The following CASP8 variants were observed in gnomAD, a reference collection of about 807,000 sequenced individuals.
The protein encoded by CASP8 is caspase-8.
A neutral mutation model predicts 46.3 loss-of-function variants in CASP8; 24 were observed. The ratio of observed to expected loss-of-function variants is 0.52; its 90% CI spans 0.38 to 0.73. The LOEUF is 0.73. Among genes scored for constraint, CASP8 ranks in the 30% least tolerant of loss-of-function variants. The pLI, the probability that CASP8 is intolerant of heterozygous loss-of-function variation, is 0.00. For synonymous variants in CASP8, 188 were observed against 200.4 expected (o/e 0.94, Z 0.52); for missense variants, 460 against 559.0 (o/e 0.82, Z 1.79).
chr2:201,280,929 ATACAAT>A (rs961803312), intron 7 of CASP8, among the ~76,000 whole-genome samples: 81 of 152,246 alleles, frequency 5.3e-4, no homozygotes, highest in African/African-American at 1.9e-3. Context: ...TGAAAAAATA[ATACAAT>A]TACAAGTTCC....
chr2:201,283,730 G>C (rs1209498380), intron 7 of CASP8, among the ~76,000 whole-genome samples: 3 of 80,034 alleles, frequency 3.7e-5, no homozygotes, highest in Non-Finnish European at 3.2e-5. Flanking sequence ...GGCTGGCCGG[G>C]CAGAGGGGCT....
intron 1 of CASP8, among the ~76,000 whole-genome samples, chr2:201,264,610 A>G (rs1947663708): frequency 6.6e-6 from 1 of 152,206 alleles, no homozygotes; most frequent in Non-Finnish European, 1.5e-5. Context: ...GAACATGTCT[A>G]AGATAGCTAT....
In CASP8 at chr2:201,287,452, C is replaced by G. The variant is rs1949610468; in HGVS notation, c.*858C>G. ...ATTTGTTTGAAATCTTTTAAAAATT[C>G]AAATGATTTTTACAAGTTTTAAATA... On this transcript the variant is annotated 3_prime_UTR_variant, in exon 9 of 9. Transcript: ENST00000673742. 2.6e-5 allele frequency: 4 copies of G among 154,578 alleles called. No homozygotes were observed. In the Admixed American group the frequency reaches 2.6e-4, roughly 10 times the overall value. 9.6% of individuals were successfully genotyped at this position (154,578 alleles called of 1,614,324 possible).
chr2:201,284,564 G>T (rs1226978312), intron 7 of CASP8, among the ~76,000 whole-genome samples: 1 of 76,952 alleles, frequency 1.3e-5, no homozygotes, highest in Non-Finnish European at 3.0e-5. Flanking sequence ...GCAATCGCAG[G>T]CACTCGGCAG....
rs1227299223 is a variant in CASP8 at position 201,285,028 on chromosome 2, C to G, written c.1015C>G (p.Gln339Glu). Reference protein sequence around the residue: ...QEAPIYELTSQFTGLKCPSLA... With the variant: ...QEAPIYELTSEFTGLKCPSLA... The stretch of plus-strand genomic sequence containing the variant: ...GGCCCCCATCTATGAGCTGACATCT[C>G]AGTTCACTGGTTTGAAGTGCCCTTC... The change falls in exon 8 of 9, where the codon CAG (glutamine) becomes GAG (glutamate). Residue 339 changes from glutamine to glutamate, a missense_variant. Physicochemically the swap from Gln to Glu is conservative, Grantham distance 29. Transcript: ENST00000673742. The G allele has an allele frequency of 1.2e-6, 2 of 1,614,198 alleles. No individual in the cohort carries two copies. The highest frequency in any genetic ancestry group is 1.6e-4 in the Middle Eastern group (1 of 6,062).
intron 2 of CASP8, among the ~76,000 whole-genome samples, chr2:201,251,257 A>G (rs370081062): frequency 3.3e-5 from 5 of 152,286 alleles, no homozygotes; most frequent in African/African-American, 1.2e-4. Context: ...TAAATGTTCA[A>G]TTTGGGTAAA....
Position 201,272,995 on chromosome 2 carries a change from T to C in CASP8, c.595+53T>C. On this transcript the variant is annotated intron_variant, in intron 5 of 8. Coordinates refer to ENST00000673742, the MANE Select transcript of CASP8 (RefSeq NM_001372051.1). The surrounding 1 kb of genome is among the most constrained non-coding windows in gnomAD (Gnocchi z 4.4). The stretch of plus-strand genomic sequence containing the variant: ...TTTAGTTAATTTACTATCTGGTACC[T>C]GCATGTGTCCTCCCCACAGCCTTCT... 8.9e-6 allele frequency: 13 copies of C among 1,453,854 alleles called. No homozygotes were observed. Among genetic ancestry groups the C allele is most frequent in the Non-Finnish European group, 1.3e-5 (13 of 1,035,820 alleles). 90.1% of individuals were successfully genotyped at this position (1,453,854 alleles called of 1,614,324 possible).
At chr2:201,284,542 CGGCGCGCGCCTGCAATCGCA>C (rs1457570728) in intron 7 of CASP8, among the ~76,000 whole-genome samples, 2 of 67,036 alleles carry the variant, frequency 3.0e-5, no homozygotes, top group Admixed American at 2.6e-4. Flanking sequence ...TCAGGCGTGG[CGGCGCGCGCCTGCAATCGCA>C]GGCACTCGGC....
chr2:201,285,976 T>C (rs1236831577), intron 8 of CASP8, among the ~76,000 whole-genome samples: 1 of 152,188 alleles, frequency 6.6e-6, no homozygotes, highest in Admixed American at 6.5e-5. Context: ...GCTACCAAGG[T>C]AGAAGAAGAG....
intron 2 of CASP8, among the ~76,000 whole-genome samples, chr2:201,246,275 T>G (rs1318338121): frequency 1.3e-5 from 2 of 152,198 alleles, no homozygotes; most frequent in African/African-American, 4.8e-5. Context: ...AAACAGGGTG[T>G]TGTTCCTGCC....
chr2:201,244,931 T>C (rs1576208694), intron 2 of CASP8, among the ~76,000 whole-genome samples: 1 of 152,206 alleles, frequency 6.6e-6, no homozygotes, highest in East Asian at 1.9e-4. Context: ...CTTTGAGGAA[T>C]GCCACACTGG....
intron 7 of CASP8, among the ~76,000 whole-genome samples, chr2:201,281,287 C>T (rs1948988719): frequency 1.3e-5 from 2 of 151,964 alleles, no homozygotes; most frequent in South Asian, 4.2e-4. Context: ...GCACTGTAGC[C>T]TGGGTGACAG....
intron 7 of CASP8, among the ~76,000 whole-genome samples, chr2:201,277,266 G>A (rs35943824): frequency 2.0e-5 from 3 of 152,228 alleles, no homozygotes; most frequent in Non-Finnish European, 2.9e-5. Flanking sequence ...AATGCATAGC[G>A]CTTCTGTGGA....
At chr2:201,271,450 C>A in intron 2 of CASP8, 66 bp from the exon 3 acceptor site, 1 of 959,898 alleles carries the variant, frequency 1.0e-6, no homozygotes, top group Non-Finnish European at 1.7e-6. Context: ...CCCACTGTGA[C>A]TCCATATATC....
chr2:201,240,099 C>T (rs570287957), intron 2 of CASP8, among the ~76,000 whole-genome samples: 27 of 152,260 alleles, frequency 1.8e-4, no homozygotes, highest in African/African-American at 6.5e-4. Context: ...AGATGTGAAT[C>T]CCTCATAAGC....
At chr2:201,279,174 A>G (rs1256965314) in intron 7 of CASP8, among the ~76,000 whole-genome samples, 1 of 152,232 alleles carries the variant, frequency 6.6e-6, no homozygotes, top group Non-Finnish European at 1.5e-5. Context: ...GAAAGCCTAT[A>G]TAAGCCTATA....
At chr2:201,260,245 T>A (rs1418863140), upstream of CASP8, among the ~76,000 whole-genome samples, 1 of 152,110 alleles carries the variant, frequency 6.6e-6, no homozygotes. Context: ...AATGAAAGTG[T>A]TCTTAGTTAC....
chr2:201,271,220 CA>C (rs1445032884), intron 2 of CASP8, among the ~76,000 whole-genome samples: 1 of 150,438 alleles, frequency 6.6e-6, no homozygotes, highest in South Asian at 2.1e-4. Flanking sequence ...GCTATTGCAA[CA>C]AAATCTCCAT....
At chr2:201,262,613 T>C (rs944302506) in intron 1 of CASP8, among the ~76,000 whole-genome samples, 1 of 152,212 alleles carries the variant, frequency 6.6e-6, no homozygotes, top group Non-Finnish European at 1.5e-5. Flanking sequence ...TTTTAAGTAA[T>C]TTTTATTTTC....
Sources: allele counts gnomAD v4.1 joint callset (sites outside exome capture counted in the v4.1 genomes callset), GRCh38; gene constraint gnomAD v4.1.1; non-coding constraint Gnocchi (gnomAD v3.1); transcripts MANE v1.5; gene names NCBI Gene and HGNC (gene_info 2026-07-23, HGNC 2026-07-21).